Variants in NFYC observed in about 807,000 individuals in gnomAD.
NFYC encodes the protein nuclear transcription factor Y subunit gamma.
In NFYC, 25 loss-of-function variants were observed where a neutral mutation model predicts 53.1. The observed-to-expected ratio is 0.47, with a 90% CI of 0.34 to 0.66. The LOEUF is 0.66. Among genes scored for constraint, NFYC ranks in the 30% least tolerant of loss-of-function variants. NFYC has a pLI of 0.01. For synonymous variants in NFYC, 145 were observed against 152.6 expected (o/e 0.95, Z 0.37); for missense variants, 260 against 422.7 (o/e 0.62, Z 3.38).
intron 1 of NFYC, among the ~76,000 whole-genome samples, chr1:40,702,318 T>G (rs1161355423): frequency 1.3e-5 from 2 of 151,052 alleles, no homozygotes; most frequent in Non-Finnish European, 2.9e-5. Context: ...TTTCTGGGCC[T>G]TTTTTGGGGA....
chr1:40,691,913 G>A (rs1489299150), intron 1 of NFYC, 46 bp downstream of exon 1: 1 of 342,902 alleles, frequency 2.9e-6, no homozygotes, highest in East Asian at 1.2e-4. Flanking sequence ...ATAGGGAAGC[G>A]GCGGCGGGGG....
chr1:40,759,904 T>C (rs1646453556), intron 6 of NFYC, among the ~76,000 whole-genome samples: 1 of 152,056 alleles, frequency 6.6e-6, no homozygotes, highest in Non-Finnish European at 1.5e-5. Context: ...TATATTCTAA[T>C]AAGGAGCTGA....
At chr1:40,712,555 C>A in intron 1 of NFYC, 1 of 55,104 alleles carries the variant, frequency 1.8e-5, no homozygotes. Flanking sequence ...AAACTGGAAC[C>A]ATTTTTTTTT....
In NFYC at chr1:40,728,794, C is replaced by T. The variant is rs978988603; in HGVS notation, c.-8-10042C>T. On this transcript the variant is annotated intron_variant, in intron 1 of 9. Coordinates refer to ENST00000447388, the MANE Select transcript of NFYC (RefSeq NM_014223.5). The stretch of plus-strand genomic sequence containing the variant: ...CTGGGATTACAGGTGCCCGCCACCA[C>T]GCCGAGCTAATTTTTGTATTTTTAA... Among the ~76,000 whole-genome samples, 223 of 152,028 alleles carry T rather than the reference C, an allele frequency of 1.5e-3. 1 individual carries two copies. The highest frequency in any genetic ancestry group is 2.4e-3 in the Non-Finnish European group (160 of 67,960).
rs766983307 is a variant in NFYC at position 40,770,822 on chromosome 1, C to T, written c.1002C>T (p.Gly334=). 5 of 1,608,276 alleles carry T rather than the reference C, an allele frequency of 3.1e-6. No individual in the cohort carries two copies. The highest frequency in any genetic ancestry group is 2.5e-6 in the Non-Finnish European group (3 of 1,179,956). ...ACGGGCAGGCCCCCCAGGTGACCGG[C>T]GACTGAGGGCCTGAGCTGGCAAGGC... ...PSDGQAPQVT[G]D Residue 334 remains glycine, a synonymous_variant, in exon 10 of 10, where the codon GGC becomes GGT. Transcript: ENST00000447388. This position sits in a 1 kb window ranked among gnomAD's most constrained non-coding sequence, Gnocchi z 5.3.
intron 1 of NFYC, chr1:40,695,797 C>T (rs1309820091): frequency 6.6e-6 from 1 of 152,148 alleles, no homozygotes; most frequent in African/African-American, 2.4e-5. Context: ...CCACTAGGAT[C>T]TGTGAATCAA....
intron 1 of NFYC, among the ~76,000 whole-genome samples, chr1:40,737,829 C>A (rs942672579): frequency 6.6e-6 from 1 of 151,894 alleles, no homozygotes; most frequent in Admixed American, 6.6e-5. Flanking sequence ...AAGGAATAAT[C>A]ATCATCAGGA....
intron 1 of NFYC, among the ~76,000 whole-genome samples, chr1:40,694,887 T>C (rs6667368): frequency 0.79 from 119,795 of 152,194 alleles, 47,724 homozygotes; most frequent in African/African-American, 0.9. Flanking sequence ...TAGGCTGTGT[T>C]CATGGCATCT....
chr1:40,744,497 G>A (rs1465736839), intron 2 of NFYC, among the ~76,000 whole-genome samples: 1 of 152,200 alleles, frequency 6.6e-6, no homozygotes, highest in Non-Finnish European at 1.5e-5. Context: ...TGAAACTCTG[G>A]ATGTTCTTCA....
intron 1 of NFYC, among the ~76,000 whole-genome samples, chr1:40,722,848 A>T (rs536704589): frequency 6.6e-6 from 1 of 152,318 alleles, no homozygotes; most frequent in East Asian, 1.9e-4. Flanking sequence ...CTGAGTATTC[A>T]TAGGTGCTGC....
chr1:40,702,585 A>G (rs981240216), intron 1 of NFYC, among the ~76,000 whole-genome samples: 4 of 151,972 alleles, frequency 2.6e-5, no homozygotes, highest in African/African-American at 7.3e-5. Flanking sequence ...CTCGTGATCT[A>G]CCTGCCTCGG....
At chr1:40,692,698 C>T (rs1488769582) in intron 1 of NFYC, among the ~76,000 whole-genome samples, 1 of 152,010 alleles carries the variant, frequency 6.6e-6, no homozygotes, top group African/African-American at 2.4e-5. Context: ...CCAGAGTCAA[C>T]GGACCTGGGA....
At position 40,771,038 on chromosome 1, in the gene NFYC, C is replaced by T. The variant is rs577949205; in HGVS notation, c.*210C>T. On this transcript the variant is annotated 3_prime_UTR_variant, in exon 10 of 10. Transcript: ENST00000447388. ...TTGTTTCCTTTTTTTCCATTTTTTT[C>T]TCTAAGGAATCAATATTTCAATATG... 4.9e-4 allele frequency: 292 copies of T among 593,538 alleles called. 3 individuals are homozygous for T. The highest frequency in any genetic ancestry group is 1.5e-4 in the Non-Finnish European group (52 of 335,600). The allele number at this position is 593,538 out of a possible 1,614,324, so 36.8% of individuals were successfully genotyped here. A position where few individuals can be genotyped will look rare whatever the true frequency, so the allele number is the denominator to read the frequency against.
intron 1 of NFYC, chr1:40,709,339 TAAAGTG>T (rs999028402): frequency 1.3e-4 from 20 of 152,336 alleles, no homozygotes; most frequent in African/African-American, 4.8e-4. Context: ...CTTTGACTGT[TAAAGTG>T]GAAGGAGGCT....
In NFYC at chr1:40,760,287, C is replaced by T. The variant is rs1646470443; in HGVS notation, c.561+1993C>T. 1.3e-5 allele frequency among the ~76,000 whole-genome samples: 2 copies of T among 152,134 alleles called. 1 individual carries two copies. The highest frequency in any genetic ancestry group is 4.1e-4 in the South Asian group (2 of 4,828). On this transcript the variant is annotated intron_variant, in intron 6 of 9. Transcript: ENST00000447388. ...GTAGATTTAAGTAATTATGATTTGG[C>T]CAGGTGCGGTGGCTCACACCTATAA...
At chr1:40,757,932 C>T (rs1397026769) in intron 5 of NFYC, 189 bp from the exon 6 acceptor site, 1 of 623,160 alleles carries the variant, frequency 1.6e-6, no homozygotes, top group Non-Finnish European at 2.8e-6. Context: ...CCTATAGGAT[C>T]TGTTATTTTT....
chr1:40,722,029 G>A (rs1644347789), intron 1 of NFYC, among the ~76,000 whole-genome samples: 2 of 152,116 alleles, frequency 1.3e-5, no homozygotes, highest in South Asian at 4.1e-4. Flanking sequence ...AAGTTAGCCA[G>A]GCGTGGTGGT....
chr1:40,754,317 T>A, intron 5 of NFYC: 1 of 534,352 alleles, frequency 1.9e-6, no homozygotes, highest in South Asian at 1.4e-5. Context: ...ACCTCCTTAC[T>A]AGAGTAGGGT....
At chr1:40,700,407 T>C (rs1016355432) in intron 1 of NFYC, among the ~76,000 whole-genome samples, 1 of 152,222 alleles carries the variant, frequency 6.6e-6, no homozygotes, top group African/African-American at 2.4e-5. Context: ...GGTGGTGTGA[T>C]CATAGCTCAA....
Sources: allele counts gnomAD v4.1 joint callset (sites outside exome capture counted in the v4.1 genomes callset), GRCh38; gene constraint gnomAD v4.1.1; non-coding constraint Gnocchi (gnomAD v3.1); transcripts MANE v1.5; gene names NCBI Gene and HGNC (gene_info 2026-07-23, HGNC 2026-07-21).